Variants in MATCAP2 observed in about 807,000 individuals in gnomAD.
The protein encoded by MATCAP2 is putative tyrosine carboxypeptidase MATCAP2.
chr7:36,341,684 C>T, the MATCAP2 span, among the ~76,000 whole-genome samples: 1 of 152,158 alleles, frequency 6.6e-6, no homozygotes, highest in African/African-American at 2.4e-5. Flanking sequence ...GGGATGATCA[C>T]CTGAGGCCAG....
chr7:36,357,447 A>C, the MATCAP2 span: 1 of 1,614,102 alleles, frequency 6.2e-7, no homozygotes, highest in Non-Finnish European at 8.5e-7. Flanking sequence ...AGGACATTGT[A>C]ACTACTGGTT....
At chr7:36,331,405 A>G in the MATCAP2 span, among the ~76,000 whole-genome samples, 2 of 151,848 alleles carry the variant, frequency 1.3e-5, no homozygotes, top group African/African-American at 4.8e-5. Context: ...ACCTTCCCCT[A>G]CTCCCACCGT....
chr7:36,370,210 G>A, the MATCAP2 span, among the ~76,000 whole-genome samples: 4 of 151,992 alleles, frequency 2.6e-5, no homozygotes, highest in African/African-American at 9.7e-5. Flanking sequence ...TTACTGATTC[G>A]TGCTATGCCT....
chr7:36,337,029 C>T, the MATCAP2 span, among the ~76,000 whole-genome samples: 14 of 131,890 alleles, frequency 1.1e-4, no homozygotes, highest in Admixed American at 1.1e-3. Context: ...ACCCAGGAGG[C>T]GGAGGTGGTG....
the MATCAP2 span, chr7:36,325,349 C>CTAGAG: frequency 1.3e-5 from 2 of 152,194 alleles, no homozygotes; most frequent in East Asian, 1.9e-4. Context: ...TGGGCACCAG[C>CTAGAG]TAGAGTATAT....
At chr7:36,345,483 A>G in the MATCAP2 span, among the ~76,000 whole-genome samples, 1 of 152,146 alleles carries the variant, frequency 6.6e-6, no homozygotes, top group Non-Finnish European at 1.5e-5. Context: ...TTCTCTCCTC[A>G]CCTGAATGTC....
chr7:36,361,464 AC>A, the MATCAP2 span, among the ~76,000 whole-genome samples: 1 of 152,182 alleles, frequency 6.6e-6, no homozygotes, highest in Non-Finnish European at 1.5e-5. Context: ...TACTTACGAA[AC>A]CTGAGAATCT....
chr7:36,327,410 C>A, the MATCAP2 span, among the ~76,000 whole-genome samples: 95 of 152,292 alleles, frequency 6.2e-4, no homozygotes, highest in African/African-American at 2.2e-3. Context: ...GCTGGGATTA[C>A]AGGCGTGAGC....
chr7:36,365,495 T>C, the MATCAP2 span, among the ~76,000 whole-genome samples: 1 of 152,056 alleles, frequency 6.6e-6, no homozygotes, highest in Non-Finnish European at 1.5e-5. Flanking sequence ...AGGTCAGGAG[T>C]TCCAGACCAG....
At chr7:36,353,487 T>TTTA in the MATCAP2 span, among the ~76,000 whole-genome samples, 4 of 150,026 alleles carry the variant, frequency 2.7e-5, no homozygotes, top group Non-Finnish European at 1.5e-5. Flanking sequence ...TGCTCTTTTT[T>TTTA]TTTTTTTTTT....
the MATCAP2 span, chr7:36,357,404 G>A: frequency 6.2e-7 from 1 of 1,614,148 alleles, no homozygotes; most frequent in Non-Finnish European, 8.5e-7. Flanking sequence ...CTGTTTTTGT[G>A]AATGATACTT....
At chr7:36,375,079 C>A in the MATCAP2 span, among the ~76,000 whole-genome samples, 1 of 152,108 alleles carries the variant, frequency 6.6e-6, no homozygotes, top group African/African-American at 2.4e-5. Context: ...TGGATCAAAT[C>A]GTATTTCTAG....
chr7:36,330,838 T>C, the MATCAP2 span: 4 of 514,642 alleles, frequency 7.8e-6, no homozygotes, highest in Non-Finnish European at 1.4e-5. Flanking sequence ...CCAGATTTCT[T>C]CCCTCTTGAT....
chr7:36,386,067 A>C, the MATCAP2 span, among the ~76,000 whole-genome samples: 1 of 151,968 alleles, frequency 6.6e-6, no homozygotes, highest in Non-Finnish European at 1.5e-5. Flanking sequence ...AGGCAGGAGA[A>C]TCGCTTGAAC....
chr7:36,345,584 T>A, the MATCAP2 span, among the ~76,000 whole-genome samples: 1 of 152,206 alleles, frequency 6.6e-6, no homozygotes, highest in Non-Finnish European at 1.5e-5. Flanking sequence ...TTCTCCTCTA[T>A]TAAAATTAGA....
At chr7:36,363,548 C>CA in the MATCAP2 span, among the ~76,000 whole-genome samples, 1 of 152,306 alleles carries the variant, frequency 6.6e-6, no homozygotes, top group East Asian at 1.9e-4. Context: ...GATAATGTCA[C>CA]ACTGATATTA....
At chr7:36,340,035 G>C in the MATCAP2 span, among the ~76,000 whole-genome samples, 1 of 152,076 alleles carries the variant, frequency 6.6e-6, no homozygotes, top group Non-Finnish European at 1.5e-5. Flanking sequence ...GCTAATTTTT[G>C]TATTTTTTAG....
At chr7:36,353,081 C>G in the MATCAP2 span, among the ~76,000 whole-genome samples, 3 of 152,050 alleles carry the variant, frequency 2.0e-5, no homozygotes, top group African/African-American at 7.2e-5. Context: ...CCAGCCAAGA[C>G]AGCATAGTGA....
chr7:36,379,164 T>TGGGATTGA, the MATCAP2 span, among the ~76,000 whole-genome samples: 1 of 152,212 alleles, frequency 6.6e-6, no homozygotes, highest in African/African-American at 2.4e-5. Context: ...AATGCAGAAA[T>TGGGATTGA]CACCCATCTT....
Sources: gnomAD v4.1 joint callset for allele counts (sites outside exome capture counted in the v4.1 genomes callset) on GRCh38, gnomAD v4.1.1 for gene constraint, MANE v1.5 for transcripts, NCBI Gene and HGNC (gene_info 2026-07-23, HGNC 2026-07-21) for gene names.